The following LRRC34 variants were observed in gnomAD, a reference collection of about 807,000 sequenced individuals.
The protein encoded by LRRC34 is leucine rich repeat containing 34, also known as leucine-rich repeat-containing protein 34.
A neutral mutation model predicts 48.5 loss-of-function variants in LRRC34; 44 were observed. The observed-to-expected ratio is 0.91, with a 90% CI of 0.71 to 1.17. The LOEUF (loss-of-function observed/expected upper bound fraction) is 1.17, where lower values mean the gene tolerates loss of function less well. Ranked by LOEUF, LRRC34 falls within the 50% of genes most tolerant of loss-of-function variation. The pLI is 0.00. For synonymous variants in LRRC34, 192 were observed against 197.6 expected (o/e 0.97, Z 0.24); for missense variants, 502 against 563.0 (o/e 0.89, Z 1.10).
At chr3:169,803,782 T>G (rs950621691) in intron 6 of LRRC34, among the ~76,000 whole-genome samples, 1 of 152,252 alleles carries the variant, frequency 6.6e-6, no homozygotes, top group African/African-American at 2.4e-5. Flanking sequence ...ATTTGTTTAA[T>G]TAAAGTGAAC....
Position 169,808,738 on chromosome 3 carries a change from T to C in LRRC34, c.147A>G (p.Pro49=). 4 of 1,543,440 alleles carry C rather than the reference T, an allele frequency of 2.6e-6. No homozygotes were observed. The highest frequency in any genetic ancestry group is 1.7e-4 in the Middle Eastern group (1 of 5,870). The change falls in exon 2 of 11, where the codon CCA becomes CCG. Residue 49 remains proline, a synonymous_variant. Coordinates refer to ENST00000446859, the MANE Select transcript of LRRC34 (RefSeq NM_001172779.2). ...AATAATGTTTCTGGAGACCAGATTC[T>C]GGAGATTCTGAAAAATATATGCATC... is the stretch of plus-strand genomic sequence containing the variant. ...GAALAVQRES[P]ESGLQKHYSN... is the part of the protein sequence containing the mutation.
intron 4 of LRRC34, 81 bp downstream of exon 4, chr3:169,807,345 A>T: frequency 7.7e-7 from 1 of 1,297,068 alleles, no homozygotes; most frequent in Non-Finnish European, 1.1e-6. Flanking sequence ...ATCAGGTAAA[A>T]CTAGTGTTTT....
At chr3:169,796,577 AAGAT>A (rs1434094039) in intron 8 of LRRC34, 164 bp downstream of exon 8, 1 of 894,802 alleles carries the variant, frequency 1.1e-6, no homozygotes, top group Non-Finnish European at 1.6e-6. Flanking sequence ...ATGTTACTAA[AAGAT>A]AGCAGTATTA....
Position 169,796,336 on chromosome 3 carries a change from CA to C in LRRC34, c.941del (p.Leu314TrpfsTer5). The C allele has an allele frequency of 6.2e-7, 1 of 1,607,820 alleles. No homozygotes were observed. Among genetic ancestry groups the C allele is most frequent in the South Asian group, 1.1e-5 (1 of 89,158 alleles). On this transcript the variant is annotated frameshift_variant, in exon 9 of 11. Coordinates refer to ENST00000446859, the MANE Select transcript of LRRC34 (RefSeq NM_001172779.2). LOFTEE classifies it high-confidence loss of function. ...NKITHDGMVY[L>X]ADVLKSNTTL... The stretch of plus-strand genomic sequence containing the variant: ...TAGTGTTGCTTTTCAGTACATCAGC[CA>C]AATACACCATTCCATCATGAGTTAT...
At chr3:169,806,125 C>T (rs1214646268) in intron 5 of LRRC34, among the ~76,000 whole-genome samples, 2 of 152,118 alleles carry the variant, frequency 1.3e-5, no homozygotes, top group Non-Finnish European at 2.9e-5. Context: ...GAAATAAACT[C>T]CTGTAATGAT....
chr3:169,807,142 C>T (rs562234333), intron 4 of LRRC34, among the ~76,000 whole-genome samples: 19 of 152,134 alleles, frequency 1.2e-4, no homozygotes, highest in African/African-American at 4.6e-4. Context: ...AATATAATTA[C>T]AATATAAATG....
At chr3:169,797,078 T>C (rs1779018968) in intron 7 of LRRC34, 179 bp from the exon 8 acceptor site, 1 of 412,666 alleles carries the variant, frequency 2.4e-6, no homozygotes, top group Non-Finnish European at 4.1e-6. Flanking sequence ...ACAAATGATA[T>C]TTTTTACCTT....
intron 1 of LRRC34, among the ~76,000 whole-genome samples, chr3:169,810,033 T>G (rs528981964): frequency 3.0e-4 from 45 of 151,332 alleles, no homozygotes; most frequent in African/African-American, 1.1e-3. Flanking sequence ...CTCGGCTCAC[T>G]GCAACCTCTG....
intron 5 of LRRC34, among the ~76,000 whole-genome samples, chr3:169,805,753 G>A (rs1249617791): frequency 2.6e-5 from 4 of 151,978 alleles, no homozygotes; most frequent in Non-Finnish European, 4.4e-5. Context: ...GCATGGTGGT[G>A]CATGCCTATA....
intron 8 of LRRC34, 105 bp from the exon 9 acceptor site, chr3:169,796,474 T>C: frequency 7.7e-7 from 1 of 1,303,532 alleles, no homozygotes; most frequent in Middle Eastern, 2.4e-4. Flanking sequence ...TTAGTAAAGG[T>C]TTATTTTAAC....
In LRRC34 at chr3:169,812,792, T is replaced by C. The variant is rs1779650984; in HGVS notation, c.-244A>G. Reference sequence around the variant, plus strand: ...CCCGAGGTTTGAGGGGCTCCGCTGCTGAGCTAGGGCTGGGGCTACAAAGAA... The same window carrying C: ...CCCGAGGTTTGAGGGGCTCCGCTGCCGAGCTAGGGCTGGGGCTACAAAGAA... On this transcript the variant is annotated 5_prime_UTR_variant, in exon 1 of 11. Coordinates refer to ENST00000446859, the MANE Select transcript of LRRC34 (RefSeq NM_001172779.2). The surrounding 1 kb of genome is among the most constrained non-coding windows in gnomAD (Gnocchi z 4.3). 3.9e-6 allele frequency: 2 copies of C among 509,246 alleles called. No homozygotes were observed. Among genetic ancestry groups the C allele is most frequent in the Admixed American group, 4.1e-5 (1 of 24,098 alleles). The allele number at this position is 509,246 out of a possible 1,614,324, so 31.5% of individuals were successfully genotyped here.
At chr3:169,807,230 C>A (rs576821159) in intron 4 of LRRC34, among the ~76,000 whole-genome samples, 196 bp downstream of exon 4, 1 of 152,230 alleles carries the variant, frequency 6.6e-6, no homozygotes, top group East Asian at 1.9e-4. Context: ...TACAAGTTTG[C>A]AAAAGATAAC....
At chr3:169,795,835 C>T in intron 9 of LRRC34, 2 of 1,212,532 alleles carry the variant, frequency 1.6e-6, no homozygotes, top group East Asian at 3.8e-5. Context: ...TTATATTATT[C>T]AGTAAATGTT....
intron 7 of LRRC34, among the ~76,000 whole-genome samples, chr3:169,798,626 T>C (rs1480628653): frequency 6.6e-6 from 1 of 152,180 alleles, no homozygotes; most frequent in Non-Finnish European, 1.5e-5. Flanking sequence ...CCTGGGCTTT[T>C]AATAATAAGC....
At chr3:169,800,630 T>A in intron 7 of LRRC34, 29 bp downstream of exon 7, 1 of 1,367,848 alleles carries the variant, frequency 7.3e-7, no homozygotes, top group Non-Finnish European at 1.0e-6. Context: ...CATGTTGTTA[T>A]ATTAACTACC....
chr3:169,799,561 G>A (rs1779115676), intron 7 of LRRC34, among the ~76,000 whole-genome samples: 1 of 152,188 alleles, frequency 6.6e-6, no homozygotes, highest in East Asian at 1.9e-4. Flanking sequence ...GGAAGCTGAG[G>A]TGGGAGGATC....
In LRRC34 at chr3:169,804,201, T is replaced by C; in HGVS notation, c.529-20A>G. The stretch of plus-strand genomic sequence containing the variant: ...ATTCTTCTGAAAAGGAAAAAAAACT[T>C]ATTTAATAATTGTTAATCCACAGAA... On this transcript the variant is annotated intron_variant, in intron 5 of 10. Coordinates refer to ENST00000446859, the MANE Select transcript of LRRC34 (RefSeq NM_001172779.2). 1 of 1,546,730 alleles carries C rather than the reference T, an allele frequency of 6.5e-7. No homozygotes were observed. Among genetic ancestry groups the C allele is most frequent in the Non-Finnish European group, 8.8e-7 (1 of 1,142,802 alleles).
Position 169,812,591 on chromosome 3 carries a change from C to T in LRRC34, c.-43G>A. ...TTACAGTCCGCCTGCAGCTGTGAGGCGGCTACACGAGCCTCGGCGCCAGCC... is the reference window on the plus strand; with the variant it reads ...TTACAGTCCGCCTGCAGCTGTGAGGTGGCTACACGAGCCTCGGCGCCAGCC... On this transcript the variant is annotated 5_prime_UTR_variant, in exon 1 of 11. Transcript: ENST00000446859. This position sits in a 1 kb window ranked among gnomAD's most constrained non-coding sequence, Gnocchi z 4.3. 5 of 1,426,928 alleles carry T rather than the reference C, an allele frequency of 3.5e-6. No homozygotes were observed. Among genetic ancestry groups the T allele is most frequent in the Non-Finnish European group, 4.6e-6 (5 of 1,097,556 alleles). 88.4% of individuals were successfully genotyped at this position (1,426,928 alleles called of 1,614,324 possible).
chr3:169,808,315 GA>G (rs796111859), intron 2 of LRRC34, among the ~76,000 whole-genome samples: 6,822 of 52,928 alleles, frequency 0.13, 526 homozygotes, highest in African/African-American at 0.32. Context: ...CACCATCTCA[GA>G]AAAAAAAAAA....
Sources: gnomAD v4.1 joint callset for allele counts (sites outside exome capture counted in the v4.1 genomes callset) on GRCh38, gnomAD v4.1.1 for gene constraint, Gnocchi (gnomAD v3.1) non-coding constraint, MANE v1.5 for transcripts, NCBI Gene and HGNC (gene_info 2026-07-23, HGNC 2026-07-21) for gene names.